The following SYN2 variants were observed in gnomAD, a reference collection of about 807,000 sequenced individuals.
SYN2 encodes the protein synapsin II.
In SYN2, 19 loss-of-function variants were observed where a neutral mutation model predicts 50.9. The ratio of observed to expected loss-of-function variants is 0.37; its 90% CI spans 0.26 to 0.55. The LOEUF (loss-of-function observed/expected upper bound fraction) is 0.55, where lower values mean the gene tolerates loss of function less well. Ranked by LOEUF, SYN2 falls within the 20% of genes least tolerant of loss-of-function variation. SYN2 has a pLI of 0.81. For missense variants in SYN2, 587 were observed against 576.4 expected (o/e 1.02, Z -0.19); for synonymous variants, 255 against 224.9 (o/e 1.13, Z -1.20).
At chr3:12,071,335 C>T (rs969080944) in intron 1 of SYN2, 3 of 570,172 alleles carry the variant, frequency 5.3e-6, no homozygotes, top group African/African-American at 3.8e-5. Context: ...CAAGTTGGCC[C>T]CTCCATCGTC....
intron 1 of SYN2, among the ~76,000 whole-genome samples, chr3:12,063,049 A>C (rs2125163512): frequency 6.6e-6 from 1 of 151,928 alleles, no homozygotes; most frequent in South Asian, 2.1e-4. Flanking sequence ...AGTAACAGCA[A>C]AAGGATTGGT....
chr3:12,169,440 C>T (rs1697884683), intron 9 of SYN2, among the ~76,000 whole-genome samples: 2 of 152,224 alleles, frequency 1.3e-5, no homozygotes, highest in South Asian at 4.1e-4. Context: ...GCTCCCCTGC[C>T]TGCAAACTTT....
rs183341983 is a variant in SYN2 at position 12,135,092 on chromosome 3, G to C, written c.378-5559G>C. 2.5e-3 allele frequency among the ~76,000 whole-genome samples: 382 copies of C among 152,292 alleles called. 2 individuals are homozygous for C. Among genetic ancestry groups the C allele is most frequent in the African/African-American group, 8.6e-3 (359 of 41,556 alleles). On this transcript the variant is annotated intron_variant, in intron 1 of 12. Coordinates refer to ENST00000621198, the MANE Select transcript of SYN2 (RefSeq NM_133625.6). ...TGTTAGAAGAGACAGTTAATGTTTGGGTATGGTTTTTCAGAGCAGCAAATA... is the reference window on the plus strand; with the variant it reads ...TGTTAGAAGAGACAGTTAATGTTTGCGTATGGTTTTTCAGAGCAGCAAATA...
At chr3:12,034,548 C>G (rs1487578741) in intron 1 of SYN2, among the ~76,000 whole-genome samples, 1 of 152,104 alleles carries the variant, frequency 6.6e-6, no homozygotes, top group South Asian at 2.1e-4. Context: ...GCTAGGAAGT[C>G]TAAGATCAAG....
chr3:12,050,892 C>T lies in SYN2; in HGVS notation c.377+45964C>T, dbSNP rs368181083. ...CTGGGACTACAGGCGCCCGCCACCG[C>T]GCCCGGCTACTTTTTTGTATTTTTA... On this transcript the variant is annotated intron_variant, in intron 1 of 12. Coordinates refer to ENST00000621198, the MANE Select transcript of SYN2 (RefSeq NM_133625.6). Among the ~76,000 whole-genome samples the T allele has an allele frequency of 3.5e-4, 53 of 150,968 alleles. No individual in the cohort carries two copies. The South Asian group carries it at 6.5e-3, about 19-fold the overall frequency.
Position 12,170,040 on chromosome 3 carries a change from TCTTC to T in SYN2, c.1308+140_1308+143del, listed in dbSNP as rs562949166. The stretch of plus-strand genomic sequence containing the variant: ...AATGGGATCTAAGGAGACATCTCCC[TCTTC>T]CTTCCCTTCCCTTTACCCTGGAGTC... On this transcript the variant is annotated intron_variant, in intron 10 of 12. Coordinates refer to ENST00000621198, the MANE Select transcript of SYN2 (RefSeq NM_133625.6). 6.1e-4 allele frequency: 705 copies of T among 1,164,696 alleles called. 4 individuals carry two copies. In the African/African-American group the frequency reaches 9.0e-3, roughly 15 times the overall value. The allele number at this position is 1,164,696 out of a possible 1,614,324, so 72.1% of individuals were successfully genotyped here. A position where few individuals can be genotyped will look rare whatever the true frequency, so the allele number is the denominator to read the frequency against.
intron 1 of SYN2, among the ~76,000 whole-genome samples, chr3:12,025,170 G>C (rs57829748): frequency 0.091 from 13,767 of 152,104 alleles, 2,047 homozygotes; most frequent in African/African-American, 0.31. Context: ...CCATCATGGG[G>C]GGGGAGGGGC....
chr3:12,014,047 T>G (rs1266852153), intron 1 of SYN2, among the ~76,000 whole-genome samples: 2 of 152,174 alleles, frequency 1.3e-5, no homozygotes, highest in African/African-American at 4.8e-5. Context: ...CTCTCTAGAT[T>G]GTATTGAGCG....
At chr3:12,105,369 A>G (rs901545975) in intron 1 of SYN2, among the ~76,000 whole-genome samples, 4 of 151,812 alleles carry the variant, frequency 2.6e-5, no homozygotes, top group African/African-American at 9.7e-5. Flanking sequence ...CTAAGTCACT[A>G]TAGTCTTTTA....
chr3:12,084,999 A>G (rs1409760424), intron 1 of SYN2, among the ~76,000 whole-genome samples: 2 of 4,086 alleles, frequency 4.9e-4, no homozygotes, highest in Admixed American at 9.3e-3. Flanking sequence ...ATTAACTAGG[A>G]AAAAAAAAAT....
At chr3:12,030,453 G>A (rs1207660347) in intron 1 of SYN2, among the ~76,000 whole-genome samples, 3 of 143,944 alleles carry the variant, frequency 2.1e-5, no homozygotes, top group Admixed American at 7.0e-5. Flanking sequence ...AGAAGGAATG[G>A]TACCAGTTCC....
chr3:12,189,597 A>G (rs76536251), intron 12 of SYN2, among the ~76,000 whole-genome samples: 5,173 of 152,198 alleles, frequency 0.034, 280 homozygotes, highest in African/African-American at 0.11. Context: ...TCATGAGGTC[A>G]GGAGTTCAGG....
At chr3:12,157,044 T>C (rs1697479201) in intron 5 of SYN2, 2 of 772,126 alleles carry the variant, frequency 2.6e-6, no homozygotes, top group Admixed American at 2.7e-5. Flanking sequence ...AAAAGTCTAG[T>C]TGAGGATTTT....
intron 11 of SYN2, chr3:12,185,376 G>A (rs1698318506): frequency 1.0e-6 from 1 of 985,674 alleles, no homozygotes; most frequent in Non-Finnish European, 1.2e-6. Flanking sequence ...CAAATGCAAA[G>A]TTGCCATTTG....
At chr3:12,029,837 A>G (rs1694342333) in intron 1 of SYN2, among the ~76,000 whole-genome samples, 1 of 98,312 alleles carries the variant, frequency 1.0e-5, no homozygotes, top group Non-Finnish European at 1.8e-5. Flanking sequence ...GGACAATTTG[A>G]CTTCCTCTTT....
chr3:12,135,890 T>G (rs1401299854), intron 1 of SYN2, among the ~76,000 whole-genome samples: 1 of 152,216 alleles, frequency 6.6e-6, no homozygotes, highest in Non-Finnish European at 1.5e-5. Context: ...ATATAATGAT[T>G]ATATTTGTAC....
intron 1 of SYN2, among the ~76,000 whole-genome samples, chr3:12,108,805 GT>G (rs1696256017): frequency 2.7e-5 from 2 of 74,364 alleles, no homozygotes; most frequent in South Asian, 6.9e-4. Context: ...TGTTGGTTGG[GT>G]TTAAAAAAAA....
intron 1 of SYN2, among the ~76,000 whole-genome samples, chr3:12,028,395 A>G (rs1479830990): frequency 6.8e-6 from 1 of 147,438 alleles, no homozygotes; most frequent in Non-Finnish European, 1.5e-5. Flanking sequence ...ATACCCAGTA[A>G]TGGGATGGCT....
At chr3:12,176,205 G>A (rs1015080878) in intron 10 of SYN2, among the ~76,000 whole-genome samples, 10 of 152,202 alleles carry the variant, frequency 6.6e-5, no homozygotes, top group African/African-American at 2.4e-4. Context: ...GATGAGGTGT[G>A]GGCTGCTCCT....
Sources: allele counts gnomAD v4.1 joint callset (sites outside exome capture counted in the v4.1 genomes callset), GRCh38; gene constraint gnomAD v4.1.1; transcripts MANE v1.5; gene names NCBI Gene and HGNC (gene_info 2026-07-23, HGNC 2026-07-21).